Variants in L3MBTL4 observed in about 807,000 individuals in gnomAD.
The protein encoded by L3MBTL4 is L3MBTL histone methyl-lysine binding protein 4.
In L3MBTL4, 70 loss-of-function variants were observed where a neutral mutation model predicts 84.5. That is an observed-to-expected ratio of 0.83 (90% confidence interval 0.68 to 1.01). The LOEUF is 1.01. Ranked by LOEUF, L3MBTL4 falls within the 50% of genes least tolerant of loss-of-function variation. The pLI is 0.00. For missense variants in L3MBTL4, 715 were observed against 754.8 expected (o/e 0.95, Z 0.62); for synonymous variants, 274 against 259.8 (o/e 1.05, Z -0.52).
At chr18:5,958,343 G>A (rs1483429996) in intron 18 of L3MBTL4, among the ~76,000 whole-genome samples, 2 of 152,122 alleles carry the variant, frequency 1.3e-5, no homozygotes, top group Non-Finnish European at 2.9e-5. Context: ...TCCATCTAGA[G>A]GAGGAAACAC....
In L3MBTL4 at chr18:6,073,866, A is replaced by G. The variant is rs1489050353; in HGVS notation, c.1444+7015T>C. 2.0e-5 allele frequency among the ~76,000 whole-genome samples: 3 copies of G among 146,652 alleles called. No homozygotes were observed. The East Asian group carries it at 5.8e-4, about 28-fold the overall frequency. ...GATAAGGTGTTTTGTTTCTTTGTTA[A>G]AAAAAAACTTATCACGAGTTTTCTG... On this transcript the variant is annotated intron_variant, in intron 16 of 18. Coordinates refer to ENST00000317931, the MANE Select transcript of L3MBTL4 (RefSeq NM_001330559.2).
At chr18:5,983,202 C>G (rs917629157) in intron 16 of L3MBTL4, among the ~76,000 whole-genome samples, 4 of 152,212 alleles carry the variant, frequency 2.6e-5, no homozygotes, top group African/African-American at 9.6e-5. Flanking sequence ...GTAAATGACA[C>G]TTGTATTCAA....
At chr18:6,169,945 A>G (rs1042582166) in intron 13 of L3MBTL4, among the ~76,000 whole-genome samples, 5 of 152,154 alleles carry the variant, frequency 3.3e-5, no homozygotes, top group Non-Finnish European at 5.9e-5. Flanking sequence ...AATAACTTAC[A>G]TAAGAATGAA....
At chr18:6,265,382 T>A (rs1425818906) in intron 4 of L3MBTL4, among the ~76,000 whole-genome samples, 4 of 152,204 alleles carry the variant, frequency 2.6e-5, no homozygotes, top group African/African-American at 9.6e-5. Flanking sequence ...TCCCCAGTAC[T>A]TCTTCTCTAG....
chr18:6,365,318 A>G (rs568436172), intron 1 of L3MBTL4, among the ~76,000 whole-genome samples: 18 of 152,204 alleles, frequency 1.2e-4, no homozygotes, highest in Non-Finnish European at 2.4e-4. Context: ...TCACTGTTCA[A>G]TGGAATGTCT....
intron 16 of L3MBTL4, among the ~76,000 whole-genome samples, chr18:6,071,757 G>A (rs868017582): frequency 4.5e-4 from 24 of 52,796 alleles, no homozygotes; most frequent in African/African-American, 7.9e-4. Flanking sequence ...AAGAAAGAAA[G>A]AAAAAAAGAA....
At chr18:6,036,630 T>TGA (rs2056153613) in intron 16 of L3MBTL4, among the ~76,000 whole-genome samples, 2 of 152,230 alleles carry the variant, frequency 1.3e-5, no homozygotes, top group African/African-American at 4.8e-5. Flanking sequence ...CTTATTGACT[T>TGA]ATTTTTATTC....
intron 1 of L3MBTL4, among the ~76,000 whole-genome samples, chr18:6,340,626 G>C (rs1393579785): frequency 2.0e-5 from 3 of 152,132 alleles, no homozygotes; most frequent in African/African-American, 7.2e-5. Context: ...ACAACAGCCA[G>C]CCATGGATCC....
At chr18:6,214,887 A>G (rs1343031675) in intron 11 of L3MBTL4, among the ~76,000 whole-genome samples, 1 of 152,210 alleles carries the variant, frequency 6.6e-6, no homozygotes, top group Non-Finnish European at 1.5e-5. Flanking sequence ...AGTCAAGTAC[A>G]ATAAGCATTT....
chr18:6,148,753 T>C (rs1568202885), intron 13 of L3MBTL4, among the ~76,000 whole-genome samples: 1 of 152,020 alleles, frequency 6.6e-6, no homozygotes, highest in Admixed American at 6.6e-5. Context: ...ATTTTAAGAA[T>C]AGAAAAAATG....
At chr18:6,065,173 C>A (rs2057358937) in intron 16 of L3MBTL4, among the ~76,000 whole-genome samples, 1 of 151,926 alleles carries the variant, frequency 6.6e-6, no homozygotes, top group East Asian at 1.9e-4. Flanking sequence ...ATATGTTAAA[C>A]CATACCTGCA....
At chr18:6,196,101 A>G (rs1261131146) in intron 12 of L3MBTL4, among the ~76,000 whole-genome samples, 1 of 151,190 alleles carries the variant, frequency 6.6e-6, no homozygotes, top group East Asian at 1.9e-4. Context: ...CTCCACTGAT[A>G]TCTGCTTCCC....
At chr18:5,964,723 C>T (rs1289000659) in intron 17 of L3MBTL4, among the ~76,000 whole-genome samples, 1 of 152,074 alleles carries the variant, frequency 6.6e-6, no homozygotes, top group Non-Finnish European at 1.5e-5. Flanking sequence ...AATAAAAGTA[C>T]CCATACGTGC....
chr18:6,215,668 A>G (rs767840229), intron 11 of L3MBTL4, 82 bp downstream of exon 11: 57 of 645,586 alleles, frequency 8.8e-5, no homozygotes, highest in Middle Eastern at 2.6e-4. Flanking sequence ...AAAAACTAGA[A>G]TAATTTTAAA....
intron 1 of L3MBTL4, among the ~76,000 whole-genome samples, chr18:6,362,155 G>GGGGGA (rs1555743728): frequency 1.8e-5 from 2 of 113,794 alleles, no homozygotes; most frequent in Non-Finnish European, 3.4e-5. Flanking sequence ...GGGAGGGGGG[G>GGGGGA]AAGAGAAGGA....
chr18:6,300,028 T>C (rs1186437383), intron 4 of L3MBTL4, among the ~76,000 whole-genome samples: 1 of 150,790 alleles, frequency 6.6e-6, no homozygotes. Context: ...ACATACACAG[T>C]TCTGTGTGGG....
intron 16 of L3MBTL4, among the ~76,000 whole-genome samples, chr18:6,049,129 A>AG (rs1426969295): frequency 6.6e-6 from 1 of 151,990 alleles, no homozygotes; most frequent in Non-Finnish European, 1.5e-5. Context: ...TCCAAACAAA[A>AG]GAAAAAAAAA....
intron 12 of L3MBTL4, among the ~76,000 whole-genome samples, chr18:6,173,377 CAT>C (rs1275193733): frequency 6.6e-6 from 1 of 151,982 alleles, no homozygotes; most frequent in Non-Finnish European, 1.5e-5. Flanking sequence ...AGAGAAGAAA[CAT>C]AAAGAAAGCA....
intron 13 of L3MBTL4, among the ~76,000 whole-genome samples, chr18:6,141,359 A>G (rs796295102): frequency 2.6e-5 from 4 of 152,184 alleles, no homozygotes; most frequent in African/African-American, 9.6e-5. Flanking sequence ...GGCTTCATTT[A>G]CCAACTGCAT....
Sources: allele counts gnomAD v4.1 joint callset (sites outside exome capture counted in the v4.1 genomes callset), GRCh38; gene constraint gnomAD v4.1.1; transcripts MANE v1.5; gene names NCBI Gene and HGNC (gene_info 2026-07-23, HGNC 2026-07-21).